RNGTT: variants seen among roughly 807,000 people sequenced by gnomAD.
The protein encoded by RNGTT is mRNA-capping enzyme.
RNGTT carries 33 observed loss-of-function variants against 79.3 expected under a neutral mutation model. The ratio of observed to expected loss-of-function variants is 0.42; its 90% CI spans 0.32 to 0.56. RNGTT has a LOEUF of 0.56. RNGTT is among the 20% of genes least tolerant of loss of function. The probability of loss-of-function intolerance (pLI) is 0.17; values close to 1 mark genes in which losing one functional copy is unlikely to be tolerated. For missense variants in RNGTT, 497 were observed against 739.1 expected (o/e 0.67, Z 3.80); for synonymous variants, 222 against 235.9 (o/e 0.94, Z 0.54).
At chr6:88,743,865 C>T (rs1777573209) in intron 13 of RNGTT, among the ~76,000 whole-genome samples, 1 of 152,042 alleles carries the variant, frequency 6.6e-6, no homozygotes, top group Non-Finnish European at 1.5e-5. Context: ...TGAGGAATGA[C>T]CATACTGTTT....
chr6:88,818,783 AAC>A (rs1349859439), intron 11 of RNGTT, among the ~76,000 whole-genome samples: 16 of 152,244 alleles, frequency 1.1e-4, no homozygotes, highest in African/African-American at 3.6e-4. Flanking sequence ...ACATACTGAG[AAC>A]AGTTTTAATA....
chr6:88,749,509 G>A (rs1426542193), intron 13 of RNGTT, among the ~76,000 whole-genome samples: 1 of 151,618 alleles, frequency 6.6e-6, no homozygotes, highest in African/African-American at 2.4e-5. Context: ...TAAAAGGCAA[G>A]AAAGAGGGAA....
intron 2 of RNGTT, among the ~76,000 whole-genome samples, chr6:88,931,187 T>TAAAAAA (rs34070183): frequency 2.9e-3 from 292 of 101,626 alleles, no homozygotes; most frequent in East Asian, 7.7e-3. Context: ...TATAAAGCTG[T>TAAAAAA]AAAAAAAAAA....
intron 14 of RNGTT, among the ~76,000 whole-genome samples, chr6:88,662,932 T>C (rs1457052889): frequency 1.3e-5 from 2 of 152,232 alleles, no homozygotes; most frequent in African/African-American, 4.8e-5. Flanking sequence ...CATGGCTTTC[T>C]TGGCACTTTG....
intron 11 of RNGTT, among the ~76,000 whole-genome samples, chr6:88,815,309 T>C (rs1780280061): frequency 6.6e-6 from 1 of 152,184 alleles, no homozygotes; most frequent in Non-Finnish European, 1.5e-5. Flanking sequence ...ACCAGAAGCT[T>C]TGCTTTTGAG....
intron 14 of RNGTT, among the ~76,000 whole-genome samples, chr6:88,634,565 C>T (rs1773024367): frequency 6.6e-6 from 1 of 151,964 alleles, no homozygotes; most frequent in Admixed American, 6.6e-5. Context: ...GTGAGTCTGC[C>T]CTGAGTGTAT....
At chr6:88,729,633 A>G (rs1324667056) in intron 13 of RNGTT, among the ~76,000 whole-genome samples, 1 of 152,244 alleles carries the variant, frequency 6.6e-6, no homozygotes, top group Non-Finnish European at 1.5e-5. Flanking sequence ...AGATGTTGTT[A>G]AAGAATAGCT....
At chr6:88,766,403 T>G (rs544648804) in intron 13 of RNGTT, among the ~76,000 whole-genome samples, 5 of 152,242 alleles carry the variant, frequency 3.3e-5, no homozygotes, top group African/African-American at 9.6e-5. Context: ...GGTCACAAGT[T>G]AGTTAATATA....
At chr6:88,654,824 A>G (rs1773918054) in intron 14 of RNGTT, among the ~76,000 whole-genome samples, 1 of 152,242 alleles carries the variant, frequency 6.6e-6, no homozygotes, top group Non-Finnish European at 1.5e-5. Flanking sequence ...AAATTAATTT[A>G]GTGGGTTGAG....
At chr6:88,626,356 A>G (rs1365616787) in intron 14 of RNGTT, among the ~76,000 whole-genome samples, 1 of 152,006 alleles carries the variant, frequency 6.6e-6, no homozygotes, top group Non-Finnish European at 1.5e-5. Context: ...TCTAGGCTCT[A>G]GGGTGAGAAA....
intron 12 of RNGTT, among the ~76,000 whole-genome samples, chr6:88,774,623 T>C (rs1299934612): frequency 6.6e-6 from 1 of 152,184 alleles, no homozygotes; most frequent in Non-Finnish European, 1.5e-5. Flanking sequence ...TATACATATA[T>C]TATCCAAATA....
chr6:88,893,579 G>A (rs1783124382), intron 6 of RNGTT, among the ~76,000 whole-genome samples: 1 of 152,112 alleles, frequency 6.6e-6, no homozygotes. Flanking sequence ...ACATTTCTAT[G>A]GGGTTGAAAA....
chr6:88,918,449 A>G (rs913703600), intron 4 of RNGTT, among the ~76,000 whole-genome samples: 2 of 152,182 alleles, frequency 1.3e-5, no homozygotes, highest in African/African-American at 4.8e-5. Context: ...AGGGAATGCA[A>G]AACAGAAAGA....
At chr6:88,649,722 T>C (rs75172331) in intron 14 of RNGTT, among the ~76,000 whole-genome samples, 2,033 of 151,594 alleles carry the variant, frequency 0.013, 40 homozygotes, top group African/African-American at 0.046. Flanking sequence ...CTAAAAGCCA[T>C]AAATAGGAGA....
At chr6:88,880,538 A>T (rs943711391) in intron 8 of RNGTT, among the ~76,000 whole-genome samples, 2 of 152,188 alleles carry the variant, frequency 1.3e-5, no homozygotes, top group African/African-American at 2.4e-5. Context: ...ATATAGATAC[A>T]TATGTAAAAA....
At chr6:88,656,985 A>G (rs1213771092) in intron 14 of RNGTT, among the ~76,000 whole-genome samples, 2 of 152,014 alleles carry the variant, frequency 1.3e-5, no homozygotes, top group Non-Finnish European at 2.9e-5. Context: ...CAGCTACTCG[A>G]GAGGCTGAGC....
intron 13 of RNGTT, among the ~76,000 whole-genome samples, chr6:88,690,719 A>C (rs945017431): frequency 6.6e-6 from 1 of 152,162 alleles, no homozygotes; most frequent in African/African-American, 2.4e-5. Context: ...CTCAAAAATA[A>C]ATAAATAACA....
chr6:88,779,393 T>C (rs527748313), intron 12 of RNGTT, among the ~76,000 whole-genome samples: 2 of 152,324 alleles, frequency 1.3e-5, no homozygotes, highest in East Asian at 3.9e-4. Flanking sequence ...TGAATGATGG[T>C]ATAGTTTTAA....
chr6:88,782,930 T>C (rs955952189), intron 12 of RNGTT, among the ~76,000 whole-genome samples: 13 of 152,120 alleles, frequency 8.5e-5, no homozygotes, highest in Non-Finnish European at 1.6e-4. Flanking sequence ...AGTGAACCCT[T>C]GTATACTTCG....
Sources: allele counts gnomAD v4.1 joint callset (sites outside exome capture counted in the v4.1 genomes callset), GRCh38; gene constraint gnomAD v4.1.1; transcripts MANE v1.5; gene names NCBI Gene and HGNC (gene_info 2026-07-23, HGNC 2026-07-21).